Variants in SESTD1 observed in about 807,000 individuals in gnomAD.
SESTD1 encodes the protein SEC14 domain and spectrin repeat-containing protein 1.
A neutral mutation model predicts 101.7 loss-of-function variants in SESTD1; 43 were observed. The observed-to-expected ratio is 0.42, with a 90% CI of 0.33 to 0.55. The LOEUF is 0.55. SESTD1 is among the 20% of genes least tolerant of loss of function. The probability of loss-of-function intolerance (pLI) is 0.07; values close to 1 mark genes in which losing one functional copy is unlikely to be tolerated. For missense variants in SESTD1, 647 were observed against 815.1 expected (o/e 0.79, Z 2.51); for synonymous variants, 283 against 286.8 (o/e 0.99, Z 0.13).
In SESTD1 at chr2:179,107,246, A is replaced by T. The variant is rs1458864678; in HGVS notation, c.*2653T>A. ...TTACTGGATTTTCATTCATAACTCT[A>T]TGTACAGATACACATATGAAAGCAG... On this transcript the variant is annotated 3_prime_UTR_variant, in exon 18 of 18. Transcript: ENST00000428443. The T allele has an allele frequency of 6.6e-6, 1 of 152,182 alleles. No individual in the cohort carries two copies. The highest frequency in any genetic ancestry group is 1.5e-5 in the Non-Finnish European group (1 of 68,024). 9.4% of individuals were successfully genotyped at this position (152,182 alleles called of 1,614,324 possible). A position where few individuals can be genotyped will look rare whatever the true frequency, so the allele number is the denominator to read the frequency against.
chr2:179,243,867 C>A (rs1332604283), intron 1 of SESTD1, among the ~76,000 whole-genome samples: 1 of 150,982 alleles, frequency 6.6e-6, no homozygotes, highest in South Asian at 2.1e-4. Context: ...GCACTACACC[C>A]ATGTAACAAA....
chr2:179,173,907 T>A (rs548608251), intron 4 of SESTD1, among the ~76,000 whole-genome samples: 1 of 152,192 alleles, frequency 6.6e-6, no homozygotes, highest in African/African-American at 2.4e-5. Context: ...ACTGAATAAT[T>A]ATAATAATAA....
intron 1 of SESTD1, among the ~76,000 whole-genome samples, chr2:179,220,706 T>G (rs2046802632): frequency 1.3e-5 from 2 of 152,138 alleles, no homozygotes; most frequent in Admixed American, 1.3e-4. Flanking sequence ...CTTCACAAAT[T>G]CCAGCATCTA....
In SESTD1 at chr2:179,211,572, C is replaced by G. The variant is rs2046651267; in HGVS notation, c.-25-19706G>C. On this transcript the variant is annotated intron_variant, in intron 1 of 17. Transcript: ENST00000428443. Reference sequence around the variant, plus strand: ...AACATAAAATGGAGAAAAGGACACCCTACTACCCTACTAAACAAATGGTGC... The same window carrying G: ...AACATAAAATGGAGAAAAGGACACCGTACTACCCTACTAAACAAATGGTGC... Among the ~76,000 whole-genome samples, 5 of 133,600 alleles carry G rather than the reference C, an allele frequency of 3.7e-5. 2 individuals carry two copies. The highest frequency in any genetic ancestry group is 8.0e-5 in the Non-Finnish European group (5 of 62,372). The allele number at this position is 133,600 out of a possible 152,430, so 87.6% of individuals were successfully genotyped here.
chr2:179,172,173 T>C lies in SESTD1; in HGVS notation c.316A>G (p.Lys106Glu). 6.2e-7 allele frequency: 1 copy of C among 1,610,486 alleles called. No homozygotes were observed. The highest frequency in any genetic ancestry group is 8.5e-7 in the Non-Finnish European group (1 of 1,177,760). ...CAAAAACAAAAATGCGTTACTTTCT[T>C]ATCCCAGAATTCATCTGGCTTTACC... ...CVVKPDEFWD[K>E]KVTHFCFWKE... is the part of the protein sequence containing the mutation. Residue 106 changes from lysine (K) to glutamate (E), a missense_variant, in exon 5 of 18, where the codon AAG becomes GAG. By Grantham distance (56) the Lys-to-Glu change is moderately conservative (BLOSUM62 1). Around this residue, in one of 3 missense-constraint regions of SESTD1, gnomAD observed 168 missense variants for 235.1 expected, o/e 0.71. Transcript: ENST00000428443.
chr2:179,124,012 G>A (rs2044812601), intron 11 of SESTD1, among the ~76,000 whole-genome samples, 183 bp from the exon 12 acceptor site: 1 of 152,198 alleles, frequency 6.6e-6, no homozygotes, highest in Non-Finnish European at 1.5e-5. Context: ...ACAGATGCAT[G>A]CACCAGGAAG....
chr2:179,256,608 C>T (rs758172629), intron 1 of SESTD1, among the ~76,000 whole-genome samples: 4 of 152,104 alleles, frequency 2.6e-5, no homozygotes, highest in South Asian at 4.2e-4. Flanking sequence ...GTCAGGAGAT[C>T]GAGACCAACC....
intron 1 of SESTD1, among the ~76,000 whole-genome samples, chr2:179,246,955 G>A (rs1461334837): frequency 6.6e-6 from 1 of 152,106 alleles, no homozygotes; most frequent in Non-Finnish European, 1.5e-5. Flanking sequence ...TATGAAATAG[G>A]AATTATTCTC....
rs1344491359 is a variant in SESTD1, at chr2:179,112,847, T to C, written c.1840-2A>G. 1 of 1,606,978 alleles carries C rather than the reference T, an allele frequency of 6.2e-7. No individual in the cohort carries two copies. The highest frequency in any genetic ancestry group is 8.5e-7 in the Non-Finnish European group (1 of 1,178,900). ...CTCTTCTGGACAGTCCTGCAAAATC[T>C]GCAACAAATAAAAGAGCAACATCAA... On this transcript the variant is annotated splice_acceptor_variant, in intron 16 of 17. Coordinates refer to ENST00000428443, the MANE Select transcript of SESTD1 (RefSeq NM_178123.5). LOFTEE classifies it high-confidence loss of function.
chr2:179,263,077 A>G (rs1474112171), intron 1 of SESTD1, among the ~76,000 whole-genome samples: 1 of 152,250 alleles, frequency 6.6e-6, no homozygotes, highest in Non-Finnish European at 1.5e-5. Flanking sequence ...TTTAGTCCAG[A>G]ATGTTTGAAT....
rs147486698 is a variant in SESTD1 at position 179,114,120 on chromosome 2, T to C, written c.1839+945A>G. On this transcript the variant is annotated intron_variant, in intron 16 of 17. Transcript: ENST00000428443. ...ACTTCATAATAATAAAAAATTCTCA[T>C]TGAAACAATCAGTAGATAAACAAGT... Among the ~76,000 whole-genome samples the C allele has an allele frequency of 4.3e-3, 644 of 150,538 alleles. 2 individuals are homozygous for C. The highest frequency in any genetic ancestry group is 0.014 in the African/African-American group (596 of 41,418).
chr2:179,162,457 G>GT (rs1559122110), intron 5 of SESTD1: 1 of 152,106 alleles, frequency 6.6e-6, no homozygotes, highest in Non-Finnish European at 1.5e-5. Context: ...TTATCTTGCA[G>GT]TGATCAATGC....
intron 1 of SESTD1, among the ~76,000 whole-genome samples, chr2:179,258,978 T>C (rs899136806): frequency 6.6e-6 from 1 of 152,238 alleles, no homozygotes; most frequent in African/African-American, 2.4e-5. Flanking sequence ...TTTCAGTTTA[T>C]AGTAGGTTCC....
rs1021447907 is a variant in SESTD1 at position 179,109,105 on chromosome 2, G to A, written c.*794C>T. 2.0e-5 allele frequency: 3 copies of A among 152,456 alleles called. No individual in the cohort carries two copies. The highest frequency in any genetic ancestry group is 7.2e-5 in the African/African-American group (3 of 41,506). The allele number at this position is 152,456 out of a possible 1,614,324, so 9.4% of individuals were successfully genotyped here. A position where few individuals can be genotyped will look rare whatever the true frequency, so the allele number is the denominator to read the frequency against. On this transcript the variant is annotated 3_prime_UTR_variant, in exon 18 of 18. Coordinates refer to ENST00000428443, the MANE Select transcript of SESTD1 (RefSeq NM_178123.5). ...ATTCCATTATTAATAAGTTCTTAAA[G>A]ATCTAAATTGTTCACAATAATTTTT...
At chr2:179,190,795 C>G (rs914414146) in intron 2 of SESTD1, among the ~76,000 whole-genome samples, 7 of 152,008 alleles carry the variant, frequency 4.6e-5, no homozygotes, top group Non-Finnish European at 5.9e-5. Flanking sequence ...CAGATAATCA[C>G]AGGAATGCAA....
intron 1 of SESTD1, among the ~76,000 whole-genome samples, chr2:179,234,713 C>T (rs1181780615): frequency 1.3e-5 from 2 of 152,126 alleles, no homozygotes; most frequent in Admixed American, 6.5e-5. Flanking sequence ...TGTAGTATTC[C>T]AGCCAGAAAC....
intron 1 of SESTD1, among the ~76,000 whole-genome samples, chr2:179,202,534 C>G (rs1321552175): frequency 7.4e-6 from 1 of 134,716 alleles, no homozygotes; most frequent in Non-Finnish European, 1.6e-5. Context: ...GAGTCATGTA[C>G]TCCCCTGCTG....
At chr2:179,119,141 C>T (rs995829891) in intron 13 of SESTD1, among the ~76,000 whole-genome samples, 3 of 152,172 alleles carry the variant, frequency 2.0e-5, no homozygotes, top group East Asian at 1.9e-4. Context: ...CAGGAAGTCA[C>T]TGAAGGAAGT....
At chr2:179,235,797 T>C (rs2047057657) in intron 1 of SESTD1, among the ~76,000 whole-genome samples, 1 of 152,190 alleles carries the variant, frequency 6.6e-6, no homozygotes, top group Non-Finnish European at 1.5e-5. Flanking sequence ...ATCATCCTCC[T>C]GCCTCTCTCT....
Sources: gnomAD v4.1 joint callset for allele counts (sites outside exome capture counted in the v4.1 genomes callset) on GRCh38, gnomAD v4.1.1 for gene constraint, gnomAD v4.1.1 regional missense constraint, MANE v1.5 for transcripts, NCBI Gene and HGNC (gene_info 2026-07-23, HGNC 2026-07-21) for gene names.